PDE10A: variants seen among roughly 807,000 people sequenced by gnomAD.
PDE10A encodes phosphodiesterase 10A, also known as cAMP and cAMP-inhibited cGMP 3',5'-cyclic phosphodiesterase 10A.
PDE10A carries 39 observed loss-of-function variants against 97.7 expected under a neutral mutation model. That is an observed-to-expected ratio of 0.40 (90% CI 0.31 to 0.52). The LOEUF (loss-of-function observed/expected upper bound fraction) is 0.52, where lower values mean the gene tolerates loss of function less well. Ranked by LOEUF, PDE10A falls within the 20% of genes least tolerant of loss-of-function variation. PDE10A has a pLI of 0.56. For synonymous variants in PDE10A, 371 were observed against 376.8 expected (o/e 0.98, Z 0.18); for missense variants, 731 against 1,047.8 (o/e 0.70, Z 4.17).
chr6:165,877,172 C>T (rs1342219879), intron 1 of PDE10A, among the ~76,000 whole-genome samples: 1 of 152,128 alleles, frequency 6.6e-6, no homozygotes, highest in Admixed American at 6.5e-5. Context: ...GGTCTCAAAA[C>T]TTACACCTCA....
intron 1 of PDE10A, among the ~76,000 whole-genome samples, chr6:165,566,209 C>CA (rs1784771261): frequency 6.6e-6 from 1 of 152,050 alleles, no homozygotes; most frequent in South Asian, 2.1e-4. Context: ...CCAGAATAGA[C>CA]AAAGAACTCT....
chr6:165,425,887 A>G (rs995459634), intron 10 of PDE10A, among the ~76,000 whole-genome samples: 6 of 151,958 alleles, frequency 3.9e-5, no homozygotes, highest in African/African-American at 1.4e-4. Context: ...TCAAGGTATA[A>G]AAACCAATGT....
At chr6:165,578,683 G>GT (rs66480368) in intron 1 of PDE10A, among the ~76,000 whole-genome samples, 1 of 151,728 alleles carries the variant, frequency 6.6e-6, no homozygotes. Flanking sequence ...CTCTTTTTCT[G>GT]TTTTTTTCTT....
rs970768015 is a variant in PDE10A at position 165,413,770 on chromosome 6, T to C, written c.1890-83A>G. On this transcript the variant is annotated intron_variant, in intron 12 of 21. Coordinates refer to ENST00000539869, the MANE Select transcript of PDE10A (RefSeq NM_001385079.1). ...GACACAGTCAGTCATAAATCTCCCC[T>C]CAATCTTTGCAATTTACATATGCTT... 10 of 1,116,736 alleles carry C rather than the reference T, an allele frequency of 9.0e-6. No individual in the cohort carries two copies. In the Middle Eastern group the frequency reaches 1.0e-3, roughly 112 times the overall value. The allele number at this position is 1,116,736 out of a possible 1,614,324, so 69.2% of individuals were successfully genotyped here.
In PDE10A at chr6:165,819,237, G is replaced by T. The variant is rs775793958; in HGVS notation, c.-615+168292C>A. On this transcript the variant is annotated intron_variant, in intron 1 of 19. Coordinates refer to the PDE10A transcript ENST00000366882. The surrounding 1 kb of genome is among the most constrained non-coding windows in gnomAD (Gnocchi z 4.2). ...AGCATCCTGAGCCCAGTCAGCACAC[G>T]TTGGGATGATTTTTGACTCCTGCCC... is the stretch of plus-strand genomic sequence containing the variant. 1.3e-5 allele frequency among the ~76,000 whole-genome samples: 2 copies of T among 152,152 alleles called. No homozygotes were observed. Among genetic ancestry groups the T allele is most frequent in the East Asian group, 1.9e-4 (1 of 5,178 alleles).
chr6:165,837,660 T>G (rs1289308556), intron 1 of PDE10A, among the ~76,000 whole-genome samples: 6 of 19,368 alleles, frequency 3.1e-4, no homozygotes, highest in Non-Finnish European at 5.7e-4. Context: ...TCTCTCCTGG[T>G]TTTTTTTTTT....
chr6:165,760,445 A>G (rs1477125377), intron 1 of PDE10A, among the ~76,000 whole-genome samples: 4 of 152,192 alleles, frequency 2.6e-5, no homozygotes, highest in Non-Finnish European at 5.9e-5. Flanking sequence ...GGTCTGACCA[A>G]GCTAATACGC....
intron 1 of PDE10A, among the ~76,000 whole-genome samples, chr6:165,583,896 C>T (rs953585675): frequency 6.6e-6 from 1 of 152,158 alleles, no homozygotes; most frequent in Non-Finnish European, 1.5e-5. Flanking sequence ...GTTCCCACAA[C>T]CTTATGCTCT....
intron 1 of PDE10A, among the ~76,000 whole-genome samples, chr6:165,701,690 A>T (rs1466698946): frequency 5.5e-5 from 8 of 146,700 alleles, no homozygotes; most frequent in Non-Finnish European, 1.2e-4. Flanking sequence ...TGTGCATGTA[A>T]GTGTGTTTGC....
intron 1 of PDE10A, chr6:165,986,477 G>A (rs1018125563): frequency 6.6e-6 from 1 of 152,008 alleles, no homozygotes; most frequent in Non-Finnish European, 1.5e-5. Context: ...CCTACGTCTA[G>A]GAGACTGTTT....
intron 1 of PDE10A, among the ~76,000 whole-genome samples, chr6:165,928,801 A>G (rs1226069547): frequency 1.3e-5 from 2 of 152,120 alleles, no homozygotes; most frequent in East Asian, 1.9e-4. Context: ...GAAGAATGCA[A>G]TCTTTTCTCA....
intron 1 of PDE10A, among the ~76,000 whole-genome samples, chr6:165,552,634 T>C (rs1243218851): frequency 1.3e-5 from 2 of 152,162 alleles, no homozygotes; most frequent in Non-Finnish European, 2.9e-5. Flanking sequence ...GGAATGAAGG[T>C]ATCCTCGGAA....
chr6:165,535,375 C>G (rs1231015549), intron 2 of PDE10A, among the ~76,000 whole-genome samples: 7 of 151,822 alleles, frequency 4.6e-5, no homozygotes, highest in Admixed American at 4.6e-4. Context: ...ACTCTCCTCC[C>G]AATCTTCCAC....
chr6:165,545,083 T>C (rs1167588619), intron 1 of PDE10A: 11 of 454,784 alleles, frequency 2.4e-5, no homozygotes, highest in Non-Finnish European at 3.3e-5. Flanking sequence ...AGAAGACAGA[T>C]AATGCAAATT....
At chr6:165,686,935 T>C (rs1374856289) in intron 1 of PDE10A, among the ~76,000 whole-genome samples, 1 of 152,200 alleles carries the variant, frequency 6.6e-6, no homozygotes, top group Non-Finnish European at 1.5e-5. Flanking sequence ...AGATGTACAA[T>C]AGCTTGATGT....
intron 1 of PDE10A, among the ~76,000 whole-genome samples, chr6:165,848,005 T>A (rs1348309859): frequency 6.6e-6 from 1 of 152,004 alleles, no homozygotes; most frequent in Admixed American, 6.5e-5. Flanking sequence ...TAGCAAAAAA[T>A]TCTGTTTATT....
At chr6:165,489,685 A>G (rs113255494) in intron 2 of PDE10A, among the ~76,000 whole-genome samples, 5,833 of 152,270 alleles carry the variant, frequency 0.038, 151 homozygotes, top group Middle Eastern at 0.082. Flanking sequence ...CAACTTAAAG[A>G]AATCAAAAAA....
intron 1 of PDE10A, among the ~76,000 whole-genome samples, chr6:165,842,124 T>C (rs1340209365): frequency 6.6e-6 from 1 of 152,240 alleles, no homozygotes; most frequent in Non-Finnish European, 1.5e-5. Context: ...TTATGTATAC[T>C]TGATAGCTTA....
chr6:165,966,405 T>C (rs1784512248), intron 1 of PDE10A, among the ~76,000 whole-genome samples: 1 of 152,216 alleles, frequency 6.6e-6, no homozygotes, highest in Admixed American at 6.5e-5. Flanking sequence ...TGACCATGTG[T>C]CTCGCTGTAG....
Sources: gnomAD v4.1 joint callset for allele counts (sites outside exome capture counted in the v4.1 genomes callset) on GRCh38, gnomAD v4.1.1 for gene constraint, Gnocchi (gnomAD v3.1) non-coding constraint, MANE v1.5 for transcripts, NCBI Gene and HGNC (gene_info 2026-07-23, HGNC 2026-07-21) for gene names.